MICAL2: variants seen among roughly 807,000 people sequenced by gnomAD.
MICAL2 encodes the protein [F-actin]-monooxygenase MICAL2.
MICAL2 carries 77 observed loss-of-function variants against 127.3 expected under a neutral mutation model. That is an observed-to-expected ratio of 0.60 (90% CI 0.50 to 0.73). The LOEUF (loss-of-function observed/expected upper bound fraction) is 0.73, where lower values mean the gene tolerates loss of function less well. Among genes scored for constraint, MICAL2 ranks in the 30% least tolerant of loss-of-function variants. The pLI, the probability that MICAL2 is intolerant of heterozygous loss-of-function variation, is 0.00. For missense variants in MICAL2, 1,351 were observed against 1,434.4 expected, an observed-to-expected ratio of 0.94 and a Z score of 0.94; for synonymous variants, 570 against 551.1, an observed-to-expected ratio of 1.03 and a Z score of -0.48.
At chr11:12,130,137 C>T (rs1244029168) in intron 1 of MICAL2, among the ~76,000 whole-genome samples, 1 of 152,242 alleles carries the variant, frequency 6.6e-6, no homozygotes, top group East Asian at 1.9e-4. Flanking sequence ...ATTGTCCCTT[C>T]TCTGTGGATC....
At chr11:12,159,193 G>A (rs1054718295) in intron 2 of MICAL2, among the ~76,000 whole-genome samples, 4 of 152,184 alleles carry the variant, frequency 2.6e-5, no homozygotes, top group African/African-American at 7.2e-5. Flanking sequence ...ACTGGAGCCC[G>A]AAGACGAAGT....
chr11:12,204,127 G>A (rs1411803385), intron 3 of MICAL2, 123 bp from the exon 4 acceptor site: 5 of 872,694 alleles, frequency 5.7e-6, no homozygotes, highest in Non-Finnish European at 9.1e-6. Flanking sequence ...CAGGTACACA[G>A]CTTGCACTTG....
intron 29 of MICAL2, chr11:12,319,609 A>T (rs1276954571): frequency 1.1e-6 from 1 of 939,108 alleles, no homozygotes; most frequent in East Asian, 2.4e-5. Flanking sequence ...GAATGAGAGT[A>T]AGTGGGGGAG....
intron 3 of MICAL2, among the ~76,000 whole-genome samples, chr11:12,175,853 TGTAGCTGGAA>T (rs1856784403): frequency 6.6e-6 from 1 of 152,044 alleles, no homozygotes. Context: ...AGGAGACCTA[TGTAGCTGGAA>T]GGAGGCAGGC....
intron 30 of MICAL2, among the ~76,000 whole-genome samples, chr11:12,321,305 G>A (rs1590736673): frequency 6.6e-6 from 1 of 152,280 alleles, no homozygotes; most frequent in South Asian, 2.1e-4. Context: ...CTGAAGGAAA[G>A]AGAGGAGGTT....
At chr11:12,250,737 A>C (rs1861426530) in intron 22 of MICAL2, among the ~76,000 whole-genome samples, 1 of 125,502 alleles carries the variant, frequency 8.0e-6, no homozygotes, top group Non-Finnish European at 1.7e-5. Flanking sequence ...CTAGTTCTTA[A>C]AAAAACTAGA....
At chr11:12,258,171 C>T (rs1013134836) in intron 24 of MICAL2, among the ~76,000 whole-genome samples, 1 of 152,160 alleles carries the variant, frequency 6.6e-6, no homozygotes, top group Non-Finnish European at 1.5e-5. Context: ...ATGCCCTCTC[C>T]GGGTGCGGGC....
chr11:12,245,659 G>C (rs1258193540), intron 21 of MICAL2, among the ~76,000 whole-genome samples: 7 of 152,216 alleles, frequency 4.6e-5, no homozygotes, highest in Non-Finnish European at 1.0e-4. Flanking sequence ...TCAGCCACAG[G>C]CCAGCTGTTT....
chr11:12,138,846 T>C (rs1852075456), intron 2 of MICAL2, among the ~76,000 whole-genome samples: 1 of 152,118 alleles, frequency 6.6e-6, no homozygotes, highest in South Asian at 2.1e-4. Flanking sequence ...ATCAGGGCTT[T>C]TATGGTCCAC....
rs191520045 is a variant in MICAL2, at chr11:12,257,033, C to T, written c.3142+62C>T. 786 of 1,508,722 alleles carry T rather than the reference C, an allele frequency of 5.2e-4. 6 individuals carry two copies. In the African/African-American group the frequency reaches 9.6e-3, roughly 19 times the overall value. The allele number at this position is 1,508,722 out of a possible 1,614,324, so 93.5% of individuals were successfully genotyped here. A position where few individuals can be genotyped will look rare whatever the true frequency, so the allele number is the denominator to read the frequency against. On this transcript the variant is annotated intron_variant, in intron 24 of 27. Coordinates refer to ENST00000683283, the MANE Select transcript of MICAL2 (RefSeq NM_001282663.2). ...CTTGGCCTCAGGTGTGACCTTGGCT[C>T]GGGTTCCTGTCCCTCTGGTGGCTCT...
chr11:12,305,821 G>T (rs1398680693), intron 29 of MICAL2, among the ~76,000 whole-genome samples: 1 of 152,174 alleles, frequency 6.6e-6, no homozygotes, highest in Non-Finnish European at 1.5e-5. Flanking sequence ...TAGTTGTAGA[G>T]ACCTTGTACA....
intron 2 of MICAL2, among the ~76,000 whole-genome samples, chr11:12,281,466 C>T (rs746376632): frequency 7.2e-5 from 11 of 152,126 alleles, no homozygotes; most frequent in Admixed American, 2.0e-4. Flanking sequence ...TCCCATAGCC[C>T]CTGAGGGAAG....
At chr11:12,147,844 T>C (rs1164905313) in intron 2 of MICAL2, among the ~76,000 whole-genome samples, 1 of 152,356 alleles carries the variant, frequency 6.6e-6, no homozygotes, top group East Asian at 1.9e-4. Flanking sequence ...GTTAAAAACA[T>C]CTTTTCCTCT....
At chr11:12,170,984 GC>G (rs1357271829) in intron 3 of MICAL2, among the ~76,000 whole-genome samples, 11 of 152,184 alleles carry the variant, frequency 7.2e-5, no homozygotes, top group Admixed American at 3.3e-4. Flanking sequence ...TACTATGTGA[GC>G]CCCGGTGTTT....
chr11:12,274,217 CT>C (rs1863701551), upstream of MICAL2: 1 of 152,118 alleles, frequency 6.6e-6, no homozygotes, highest in African/African-American at 2.4e-5. Flanking sequence ...AAAATGACAC[CT>C]GTTCTCTGGA....
intron 17 of MICAL2, among the ~76,000 whole-genome samples, chr11:12,239,818 G>A (rs1343904012): frequency 2.6e-5 from 4 of 152,220 alleles, no homozygotes. Flanking sequence ...TATGAAAGCA[G>A]CAGTAGACAA....
chr11:12,168,741 G>C (rs911400242), intron 3 of MICAL2, among the ~76,000 whole-genome samples: 1 of 151,888 alleles, frequency 6.6e-6, no homozygotes, highest in African/African-American at 2.4e-5. Context: ...AGAAAATATA[G>C]GGTGAGACCG....
chr11:12,313,604 C>T (rs1864199509), intron 29 of MICAL2, among the ~76,000 whole-genome samples: 1 of 152,040 alleles, frequency 6.6e-6, no homozygotes, highest in Non-Finnish European at 1.5e-5. Context: ...TGTATATGTA[C>T]ATAGATATTA....
chr11:12,158,120 T>A (rs750440447), intron 2 of MICAL2, among the ~76,000 whole-genome samples: 8 of 152,148 alleles, frequency 5.3e-5, no homozygotes, highest in Non-Finnish European at 1.0e-4. Context: ...AAGGAAGTGT[T>A]CATTGGAGTC....
Sources: allele counts gnomAD v4.1 joint callset (sites outside exome capture counted in the v4.1 genomes callset), GRCh38; gene constraint gnomAD v4.1.1; transcripts MANE v1.5; gene names NCBI Gene and HGNC (gene_info 2026-07-23, HGNC 2026-07-21).